MAPK10: variants seen among roughly 807,000 people sequenced by gnomAD.
MAPK10 encodes JNK3 alpha protein kinase.
A neutral mutation model predicts 59.3 loss-of-function variants in MAPK10; 25 were observed. The ratio of observed to expected loss-of-function variants is 0.42; its 90% CI spans 0.31 to 0.59. The LOEUF (loss-of-function observed/expected upper bound fraction) is 0.59. Among genes scored for constraint, MAPK10 ranks in the 20% least tolerant of loss-of-function variants. The pLI, the probability that MAPK10 is intolerant of heterozygous loss-of-function variation, is 0.15. For synonymous variants in MAPK10, 190 were observed against 200.5 expected, an observed-to-expected ratio of 0.95 and a Z score of 0.44; for missense variants, 351 against 568.9, an observed-to-expected ratio of 0.62 and a Z score of 3.90.
chr4:86,356,125 C>T (rs2148973311), intron 1 of MAPK10, among the ~76,000 whole-genome samples: 1 of 152,284 alleles, frequency 6.6e-6, no homozygotes, highest in Middle Eastern at 3.4e-3. Flanking sequence ...CAGGTCACTG[C>T]AAATGCCCAA....
intron 1 of MAPK10, among the ~76,000 whole-genome samples, chr4:86,549,094 T>C (rs112844275): frequency 6.6e-6 from 1 of 152,076 alleles, no homozygotes; most frequent in Non-Finnish European, 1.5e-5. Context: ...TTAATATATG[T>C]AAAATATAAA....
chr4:86,379,513 C>T (rs1315096631), intron 1 of MAPK10, among the ~76,000 whole-genome samples: 1 of 152,124 alleles, frequency 6.6e-6, no homozygotes, highest in Non-Finnish European at 1.5e-5. Context: ...GGCCATGACG[C>T]CCACGCTGGA....
chr4:86,393,991 C>A (rs1195396713), intron 1 of MAPK10, among the ~76,000 whole-genome samples: 2 of 152,138 alleles, frequency 1.3e-5, no homozygotes, highest in Non-Finnish European at 2.9e-5. Context: ...GAAATAGGGG[C>A]TGGGCGTGGT....
intron 8 of MAPK10, 180 bp downstream of exon 8, chr4:86,100,872 A>C: frequency 1.9e-6 from 1 of 528,594 alleles, no homozygotes; most frequent in African/African-American, 1.9e-5. Flanking sequence ...TCTCAATAAC[A>C]TCCTTCACAT....
chr4:86,014,346 TAA>T lies in MAPK10; in HGVS notation c.*2880_*2881del, dbSNP rs35487025. On this transcript the variant is annotated 3_prime_UTR_variant, in exon 14 of 14. Transcript: ENST00000641462. ...TGTGTGTGTGTGTGTGTGTGTGTGT[TAA>T]GACAGACAAGTGAATGCAGAACATA... 0.15 allele frequency: 16,758 copies of T among 115,396 alleles called. 1,706 individuals carry two copies. Among genetic ancestry groups the T allele is most frequent in the African/African-American group, 0.33 (11,217 of 34,154 alleles). 7.1% of individuals were successfully genotyped at this position (115,396 alleles called of 1,614,324 possible).
chr4:86,548,577 A>G (rs554296972), intron 1 of MAPK10, among the ~76,000 whole-genome samples: 3 of 152,332 alleles, frequency 2.0e-5, no homozygotes, highest in South Asian at 2.1e-4. Flanking sequence ...GTTTATCACC[A>G]TCCTCCTAGT....
chr4:86,563,997 A>T (rs1678320581), intron 1 of MAPK10, among the ~76,000 whole-genome samples: 1 of 151,968 alleles, frequency 6.6e-6, no homozygotes, highest in African/African-American at 2.4e-5. Context: ...ACACCCGGCT[A>T]ATTTTTGTAT....
intron 1 of MAPK10, among the ~76,000 whole-genome samples, chr4:86,483,834 C>T (rs1271158666): frequency 2.6e-5 from 4 of 152,092 alleles, no homozygotes; most frequent in Non-Finnish European, 5.9e-5. Context: ...CTTACAACAG[C>T]ATCTGAGAAA....
upstream of MAPK10, among the ~76,000 whole-genome samples, chr4:86,362,236 A>G (rs1737121265): frequency 6.6e-6 from 1 of 152,154 alleles, no homozygotes; most frequent in Non-Finnish European, 1.5e-5. Context: ...TGAGGAAAAA[A>G]GGAACGCCAT....
At chr4:86,540,411 G>C (rs1455730736) in intron 1 of MAPK10, among the ~76,000 whole-genome samples, 1 of 152,114 alleles carries the variant, frequency 6.6e-6, no homozygotes, top group Non-Finnish European at 1.5e-5. Flanking sequence ...GAGGTGGAAG[G>C]ATCGCTTGAG....
At chr4:86,103,692 T>C (rs547221562) in intron 5 of MAPK10, among the ~76,000 whole-genome samples, 1 of 152,216 alleles carries the variant, frequency 6.6e-6, no homozygotes, top group South Asian at 2.1e-4. Context: ...TGTTACTTTA[T>C]ATTTTTTTTT....
intron 1 of MAPK10, among the ~76,000 whole-genome samples, chr4:86,465,850 C>G (rs187367741): frequency 1.3e-5 from 2 of 152,090 alleles, no homozygotes; most frequent in Non-Finnish European, 2.9e-5. Context: ...CAGCACCTGT[C>G]GAACACAGCC....
intron 2 of MAPK10, among the ~76,000 whole-genome samples, chr4:86,297,443 G>A (rs1359205088): frequency 6.6e-6 from 1 of 152,026 alleles, no homozygotes; most frequent in African/African-American, 2.4e-5. Flanking sequence ...CCGAGTAGCT[G>A]CTGGGATTAC....
chr4:86,501,758 G>T (rs1443028603), intron 1 of MAPK10, among the ~76,000 whole-genome samples: 1 of 151,786 alleles, frequency 6.6e-6, no homozygotes, highest in Non-Finnish European at 1.5e-5. Flanking sequence ...ATACCAACTG[G>T]GTTCAACATT....
chr4:86,245,000 T>C (rs1432299761), intron 2 of MAPK10, among the ~76,000 whole-genome samples: 1 of 150,178 alleles, frequency 6.7e-6, no homozygotes, highest in Non-Finnish European at 1.5e-5. Flanking sequence ...GTGGTCTAGA[T>C]ATGCATTTTT....
chr4:86,122,697 GT>G (rs1414729520), intron 4 of MAPK10, among the ~76,000 whole-genome samples: 5 of 150,446 alleles, frequency 3.3e-5, no homozygotes, highest in Non-Finnish European at 7.4e-5. Context: ...GTTGGCTTTT[GT>G]TTCTGTTATT....
chr4:86,243,595 G>C (rs1583406815), intron 2 of MAPK10, among the ~76,000 whole-genome samples: 1 of 152,076 alleles, frequency 6.6e-6, no homozygotes, highest in Non-Finnish European at 1.5e-5. Flanking sequence ...CTGGGCCCTT[G>C]AACATGCCCT....
intron 1 of MAPK10, among the ~76,000 whole-genome samples, chr4:86,413,332 G>T (rs1281516993): frequency 6.6e-6 from 1 of 152,182 alleles, no homozygotes; most frequent in Non-Finnish European, 1.5e-5. Context: ...CCCCTACTGG[G>T]AGGTTTCTCC....
rs1428944186 is a variant in MAPK10, at chr4:86,509,443, G to C, written c.-263+84467C>G. 2.0e-5 allele frequency among the ~76,000 whole-genome samples: 3 copies of C among 151,270 alleles called. No homozygotes were observed. The East Asian group carries it at 5.8e-4, about 29-fold the overall frequency. On this transcript the variant is annotated intron_variant, in intron 1 of 4. Transcript: ENST00000502302. Reference sequence around the variant, plus strand: ...AATTGCTTTGTCTGTCTGTTACACGGGGGCCAGAAACGCTGACCAAAAAAA... The same window carrying C: ...AATTGCTTTGTCTGTCTGTTACACGCGGGCCAGAAACGCTGACCAAAAAAA...
Sources: allele counts gnomAD v4.1 joint callset (sites outside exome capture counted in the v4.1 genomes callset), GRCh38; gene constraint gnomAD v4.1.1; transcripts MANE v1.5; gene names NCBI Gene and HGNC (gene_info 2026-07-23, HGNC 2026-07-21).